EYS: variants seen among roughly 807,000 people sequenced by gnomAD.
EYS encodes protein eyes shut homolog.
A neutral mutation model predicts 282.1 loss-of-function variants in EYS; 250 were observed. That is an observed-to-expected ratio of 0.89 (90% CI 0.80 to 0.98). EYS has a LOEUF of 0.98. Among genes scored for constraint, EYS ranks in the 50% least tolerant of loss-of-function variants. EYS has a pLI of 0.00. For synonymous variants in EYS, 1,355 were observed against 1,282.9 expected (o/e 1.06, Z -1.20); for missense variants, 4,016 against 3,709.0 (o/e 1.08, Z -2.15).
intron 12 of EYS, among the ~76,000 whole-genome samples, chr6:65,192,538 G>T (rs1264051007): frequency 6.6e-6 from 1 of 151,698 alleles, no homozygotes; most frequent in African/African-American, 2.4e-5. Flanking sequence ...TAAACATACT[G>T]AATTTGATGC....
At chr6:64,725,988 G>A (rs938880005) in intron 22 of EYS, among the ~76,000 whole-genome samples, 1 of 152,088 alleles carries the variant, frequency 6.6e-6, no homozygotes, top group African/African-American at 2.4e-5. Context: ...GTTTCAACAT[G>A]TTCCATTTAT....
chr6:65,130,032 T>C (rs1183501732), intron 12 of EYS, among the ~76,000 whole-genome samples: 1 of 151,900 alleles, frequency 6.6e-6, no homozygotes, highest in African/African-American at 2.4e-5. Flanking sequence ...TGGAGGCCAT[T>C]ATACTAAGTG....
chr6:64,829,954 G>T (rs9453077), intron 19 of EYS, among the ~76,000 whole-genome samples: 44,171 of 151,768 alleles, frequency 0.29, 6,827 homozygotes, highest in African/African-American at 0.4. Flanking sequence ...ATGTATGGTT[G>T]TTGTAGGCTC....
At chr6:64,750,592 T>TA (rs1383641743) in intron 22 of EYS, among the ~76,000 whole-genome samples, 4 of 152,196 alleles carry the variant, frequency 2.6e-5, no homozygotes, top group African/African-American at 7.2e-5. Context: ...TGGATCAGCT[T>TA]AAAATTACAA....
At chr6:64,090,495 C>T (rs1772317739) in intron 31 of EYS, among the ~76,000 whole-genome samples, 1 of 152,078 alleles carries the variant, frequency 6.6e-6, no homozygotes, top group South Asian at 2.1e-4. Context: ...ATATATACTT[C>T]TATTGCAGCT....
At chr6:63,831,845 G>A (rs546404542) in intron 36 of EYS, among the ~76,000 whole-genome samples, 7 of 151,984 alleles carry the variant, frequency 4.6e-5, no homozygotes, top group East Asian at 1.9e-4. Context: ...ATGTAAAAGA[G>A]CAGAAATTAC....
At chr6:63,820,209 T>A (rs1771286215) in intron 36 of EYS, among the ~76,000 whole-genome samples, 1 of 152,214 alleles carries the variant, frequency 6.6e-6, no homozygotes, top group Admixed American at 6.5e-5. Context: ...ATTACTTTAA[T>A]TGTATTTCCC....
intron 13 of EYS, among the ~76,000 whole-genome samples, chr6:65,008,043 C>T (rs1233971374): frequency 3.3e-5 from 5 of 152,140 alleles, no homozygotes; most frequent in Non-Finnish European, 7.3e-5. Flanking sequence ...AAGAATGATT[C>T]CCCACAGGCC....
rs60358872 is a variant in EYS at position 64,011,989 on chromosome 6, TTCCTCTCCTCTCCTC to T, written c.6726-12821_6726-12807del. 5.6e-3 allele frequency among the ~76,000 whole-genome samples: 749 copies of T among 134,586 alleles called. 9 individuals are homozygous for T. The highest frequency in any genetic ancestry group is 0.022 in the African/African-American group (679 of 31,420). 88.3% of individuals were successfully genotyped at this position (134,586 alleles called of 152,430 possible). A position where few individuals can be genotyped will look rare whatever the true frequency, so the allele number is the denominator to read the frequency against. ...ATGCATTAACATTGCTAATAAGTTT[TTCCTCTCCTCTCCTC>T]TCCTCTCCTCTCCTCTCCTCTCCTC... On this transcript the variant is annotated intron_variant, in intron 33 of 42. Transcript: ENST00000503581.
intron 34 of EYS, among the ~76,000 whole-genome samples, chr6:63,998,059 T>C (rs2149801465): frequency 6.6e-6 from 1 of 152,238 alleles, no homozygotes; most frequent in Non-Finnish European, 1.5e-5. Context: ...AACAACCCAC[T>C]TGAACAATTT....
At chr6:64,427,545 T>C (rs1774447701) in intron 28 of EYS, among the ~76,000 whole-genome samples, 1 of 152,084 alleles carries the variant, frequency 6.6e-6, no homozygotes, top group Admixed American at 6.6e-5. Flanking sequence ...TTCAATATGC[T>C]CTCATTATAT....
chr6:63,938,717 C>A (rs998849606), intron 35 of EYS, among the ~76,000 whole-genome samples: 3 of 152,200 alleles, frequency 2.0e-5, no homozygotes, highest in Non-Finnish European at 2.9e-5. Context: ...ACATCTATTT[C>A]ATCCAAAATC....
At chr6:65,427,262 C>A (rs116477528) in intron 5 of EYS, among the ~76,000 whole-genome samples, 24 of 152,014 alleles carry the variant, frequency 1.6e-4, no homozygotes, top group African/African-American at 5.3e-4. Context: ...TAGCACATTT[C>A]TTGGAAAATT....
At chr6:64,714,805 C>A (rs1429150805) in intron 22 of EYS, among the ~76,000 whole-genome samples, 1 of 152,038 alleles carries the variant, frequency 6.6e-6, no homozygotes, top group African/African-American at 2.4e-5. Context: ...GGATTACAGG[C>A]GTGAGCCACC....
intron 26 of EYS, among the ~76,000 whole-genome samples, chr6:64,442,027 G>C (rs542474398): frequency 6.0e-4 from 92 of 152,286 alleles, no homozygotes; most frequent in Admixed American, 1.1e-3. Context: ...GAACAGTTTG[G>C]AGGGCTCAGA....
rs530780913 is a variant in EYS, at chr6:65,135,743, T to G, written c.2024-78016A>C. 2.6e-5 allele frequency among the ~76,000 whole-genome samples: 4 copies of G among 152,158 alleles called. No homozygotes were observed. In the South Asian group the frequency reaches 8.3e-4, roughly 32 times the overall value. ...AACTGTTATTTGTGATTTCGTTTGA[T>G]ATGGTTCATCTGGAATTTTAGTAGT... On this transcript the variant is annotated intron_variant, in intron 12 of 42. Coordinates refer to ENST00000503581, the MANE Select transcript of EYS (RefSeq NM_001142800.2).
rs948201685 is a variant in EYS at position 64,590,471 on chromosome 6, G to C, written c.5396C>G (p.Thr1799Ser). Residue 1799 changes from threonine (T) to serine (S), a missense_variant, in exon 26 of 43, where the codon ACT (threonine) becomes AGT (serine). Coordinates refer to ENST00000503581, the MANE Select transcript of EYS (RefSeq NM_001142800.2). ...TNVAFYTVSATPALSIQTSSS... is the reference protein window; with the variant it reads ...TNVAFYTVSASPALSIQTSSS... ...AGACGTCTGTATTGAAAGTGCTGGA[G>C]TTGCTGAAACTGTATAAAATGCAAC... The C allele has an allele frequency of 3.2e-6, 5 of 1,551,318 alleles. No homozygotes were observed. The African/African-American group carries it at 6.8e-5, about 21-fold the overall frequency.
chr6:64,275,368 A>G (rs1768074842), intron 30 of EYS, among the ~76,000 whole-genome samples: 1 of 152,070 alleles, frequency 6.6e-6, no homozygotes, highest in South Asian at 2.1e-4. Flanking sequence ...TAATTGGGAG[A>G]AACTTTCAAC....
At chr6:64,593,533 ATTC>A (rs2149833564) in intron 24 of EYS, among the ~76,000 whole-genome samples, 1 of 152,272 alleles carries the variant, frequency 6.6e-6, no homozygotes. Context: ...GCCCAAATTT[ATTC>A]TTAATTCCTT....
Sources: allele counts gnomAD v4.1 joint callset (sites outside exome capture counted in the v4.1 genomes callset), GRCh38; gene constraint gnomAD v4.1.1; transcripts MANE v1.5; gene names NCBI Gene and HGNC (gene_info 2026-07-23, HGNC 2026-07-21).